SPTSSB: variants seen among roughly 807,000 people sequenced by gnomAD.
The protein encoded by SPTSSB is androgen down regulated in mouse prostate.
SPTSSB carries 6 observed loss-of-function variants against 7.7 expected under a neutral mutation model. That is an observed-to-expected ratio of 0.78 (90% CI 0.43 to 1.54). The LOEUF (loss-of-function observed/expected upper bound fraction) is 1.54, where lower values mean the gene tolerates loss of function less well. Ranked by LOEUF, SPTSSB falls within the 40% of genes most tolerant of loss-of-function variation. The pLI is 0.01. For missense variants in SPTSSB, 91 were observed against 93.0 expected, an observed-to-expected ratio of 0.98 and a Z score of 0.09; for synonymous variants, 28 against 29.7, an observed-to-expected ratio of 0.94 and a Z score of 0.19.
At chr3:161,361,133 T>C (rs898381439) in intron 1 of SPTSSB, among the ~76,000 whole-genome samples, 19 of 152,140 alleles carry the variant, frequency 1.2e-4, no homozygotes, top group Admixed American at 5.9e-4. Flanking sequence ...GAGGAATGTG[T>C]CATGGAAGTC....
In SPTSSB at chr3:161,369,385, C is replaced by CTTT. The variant is rs71149710; in HGVS notation, c.-126+2047_-126+2049dup. ...TTCTCTCTCTGTCTCTCTTTCTTTC[C>CTTT]TTTTTTTTTTTTTTTTTTTTTTTTT... On this transcript the variant is annotated intron_variant, in intron 1 of 2. Coordinates refer to ENST00000620149, the MANE Select transcript of SPTSSB (RefSeq NM_001040100.2). 1.7e-3 allele frequency among the ~76,000 whole-genome samples: 50 copies of CTTT among 29,660 alleles called. 5 individuals are homozygous for CTTT. Among genetic ancestry groups the CTTT allele is most frequent in the African/African-American group, 7.1e-3 (36 of 5,070 alleles). The allele number at this position is 29,660 out of a possible 152,430, so 19.5% of individuals were successfully genotyped here.
chr3:161,363,312 T>C (rs987119695), intron 1 of SPTSSB, among the ~76,000 whole-genome samples: 1 of 151,712 alleles, frequency 6.6e-6, no homozygotes, highest in Non-Finnish European at 1.5e-5. Flanking sequence ...ATAGTACAGT[T>C]AATCAGATTT....
intron 1 of SPTSSB, among the ~76,000 whole-genome samples, chr3:161,361,304 T>C (rs549241126): frequency 6.6e-6 from 1 of 152,186 alleles, no homozygotes; most frequent in East Asian, 1.9e-4. Context: ...GAGAGCTCCA[T>C]TAGGAAAATT....
intron 2 of SPTSSB, among the ~76,000 whole-genome samples, chr3:161,356,108 A>C (rs1714761337): frequency 6.6e-6 from 1 of 152,164 alleles, no homozygotes. Context: ...GTCAAAATAG[A>C]AGGGGAAAAC....
At chr3:161,359,735 C>T in intron 2 of SPTSSB, 67 bp downstream of exon 2, 2 of 985,292 alleles carry the variant, frequency 2.0e-6, no homozygotes, top group South Asian at 9.4e-5. Flanking sequence ...TTAATGACGC[C>T]ATCTCACAGT....
Position 161,364,395 on chromosome 3 carries a change from A to G in SPTSSB, c.-125-4501T>C, listed in dbSNP as rs79455741. ...TTTTGAGCGAGATTTAAAATTTCCT[A>G]TGAGGATCCCTTTGGTAGGGGAAGA... On this transcript the variant is annotated intron_variant, in intron 1 of 2. Transcript: ENST00000620149. 4.4e-3 allele frequency among the ~76,000 whole-genome samples: 670 copies of G among 152,314 alleles called. 5 individuals carry two copies. The highest frequency in any genetic ancestry group is 0.015 in the African/African-American group (613 of 41,580).
chr3:161,357,097 T>C (rs1373539179), intron 2 of SPTSSB, among the ~76,000 whole-genome samples: 1 of 152,212 alleles, frequency 6.6e-6, no homozygotes, highest in Non-Finnish European at 1.5e-5. Flanking sequence ...AACCCCTGAA[T>C]CAAGGGACAT....
At position 161,362,922 on chromosome 3, in the gene SPTSSB, G is replaced by A. The variant is rs1004024173; in HGVS notation, c.-125-3028C>T. Among the ~76,000 whole-genome samples, 6 of 151,646 alleles carry A rather than the reference G, an allele frequency of 4.0e-5. No individual in the cohort carries two copies. The East Asian group carries it at 5.8e-4, about 15-fold the overall frequency. On this transcript the variant is annotated intron_variant, in intron 1 of 2. Coordinates refer to ENST00000620149, the MANE Select transcript of SPTSSB (RefSeq NM_001040100.2). ...TACAATATGATAGTAATAATAATACGTACAAATGTATGCTTCTTTGTATTA... is the reference window on the plus strand; with the variant it reads ...TACAATATGATAGTAATAATAATACATACAAATGTATGCTTCTTTGTATTA...
chr3:161,369,192 C>T (rs1311718487), intron 1 of SPTSSB, among the ~76,000 whole-genome samples: 4 of 152,104 alleles, frequency 2.6e-5, no homozygotes, highest in Non-Finnish European at 4.4e-5. Flanking sequence ...GCAATACCAG[C>T]AATATATGAC....
intron 2 of SPTSSB, 150 bp from the exon 3 acceptor site, chr3:161,346,505 A>G (rs188843674): frequency 2.3e-6 from 1 of 427,534 alleles, no homozygotes; most frequent in Non-Finnish European, 4.2e-6. Context: ...AAAATAATAC[A>G]TACTATATTA....
chr3:161,367,151 T>A (rs545518902), intron 1 of SPTSSB, among the ~76,000 whole-genome samples: 7 of 152,230 alleles, frequency 4.6e-5, no homozygotes, highest in African/African-American at 1.7e-4. Flanking sequence ...CACTCCAGCC[T>A]GGGCAAAAAG....
At position 161,346,059 on chromosome 3, in the gene SPTSSB, A is replaced by C; in HGVS notation, c.*34T>G. 1.8e-6 allele frequency: 2 copies of C among 1,096,256 alleles called. No homozygotes were observed. Among genetic ancestry groups the C allele is most frequent in the Non-Finnish European group, 2.8e-6 (2 of 712,472 alleles). The allele number at this position is 1,096,256 out of a possible 1,614,324, so 67.9% of individuals were successfully genotyped here. A position where few individuals can be genotyped will look rare whatever the true frequency, so the allele number is the denominator to read the frequency against. ...TCAATAAGCTGTAAGCAACATATAA[A>C]TATGCAATGCCATTTCACTGAATGT... On this transcript the variant is annotated 3_prime_UTR_variant, in exon 3 of 3. Transcript: ENST00000620149.
In SPTSSB at chr3:161,346,160, A is replaced by G. The variant is rs1239799232; in HGVS notation, c.164T>C (p.Ile55Thr). 1 of 1,612,782 alleles carries G rather than the reference A, an allele frequency of 6.2e-7. No individual in the cohort carries two copies. The highest frequency in any genetic ancestry group is 1.3e-5 in the African/African-American group (1 of 75,038). Residue 55 changes from isoleucine (I) to threonine (T), a missense_variant, in exon 3 of 3, where the codon ATC (isoleucine) becomes ACC (threonine). Ile to Thr is a moderately conservative substitution (Grantham distance 89, BLOSUM62 -1). Transcript: ENST00000620149. ...AAATTCCCAAGCCAGGCGAATGTGG[A>G]TTGGAATAAAGACATAGGCAGTGTA... ...VVYTAYVFIP[I>T]HIRLAWEFFS...
intron 2 of SPTSSB, among the ~76,000 whole-genome samples, chr3:161,349,690 C>T (rs1327786807): frequency 6.6e-6 from 1 of 152,178 alleles, no homozygotes; most frequent in Non-Finnish European, 1.5e-5. Context: ...CCTAAGCAGA[C>T]TGTGATGTGG....
At chr3:161,366,227 G>C (rs1396409792) in intron 1 of SPTSSB, among the ~76,000 whole-genome samples, 1 of 152,214 alleles carries the variant, frequency 6.6e-6, no homozygotes, top group Non-Finnish European at 1.5e-5. Flanking sequence ...GACAAAGCTA[G>C]AGGAAGAGGC....
intron 1 of SPTSSB, among the ~76,000 whole-genome samples, chr3:161,360,856 A>G (rs368500186): frequency 3.3e-5 from 5 of 152,268 alleles, no homozygotes; most frequent in African/African-American, 1.2e-4. Flanking sequence ...AATACTAAGG[A>G]TTTTTTATTG....
intron 1 of SPTSSB, among the ~76,000 whole-genome samples, chr3:161,364,136 A>T (rs564938570): frequency 1.1e-4 from 17 of 152,050 alleles, no homozygotes; most frequent in African/African-American, 2.2e-4. Context: ...ACTTTTTTTT[A>T]AAATTTCTCT....
At chr3:161,349,673 T>A (rs13099997) in intron 2 of SPTSSB, among the ~76,000 whole-genome samples, 5 of 152,204 alleles carry the variant, frequency 3.3e-5, no homozygotes, top group Non-Finnish European at 7.3e-5. Context: ...TATTCAAAGG[T>A]GGCACTCCTA....
intron 2 of SPTSSB, chr3:161,359,597 G>GT (rs1714922749): frequency 4.2e-6 from 2 of 471,326 alleles, no homozygotes; most frequent in African/African-American, 2.1e-5. Context: ...TGGAATATCC[G>GT]TAAGTTGAGA....
Sources: gnomAD v4.1 joint callset for allele counts (sites outside exome capture counted in the v4.1 genomes callset) on GRCh38, gnomAD v4.1.1 for gene constraint, MANE v1.5 for transcripts, NCBI Gene and HGNC (gene_info 2026-07-23, HGNC 2026-07-21) for gene names.